Variants in ASIC2 observed in about 807,000 individuals in gnomAD.
The protein encoded by ASIC2 is acid sensing ion channel subunit 2.
In ASIC2, 25 loss-of-function variants were observed where a neutral mutation model predicts 57.3. The observed-to-expected ratio is 0.44, with a 90% CI of 0.32 to 0.61. The LOEUF is 0.61. Among genes scored for constraint, ASIC2 ranks in the 20% least tolerant of loss-of-function variants. The pLI is 0.06. For missense variants in ASIC2, 641 were observed against 738.1 expected (o/e 0.87, Z 1.52); for synonymous variants, 319 against 307.5 (o/e 1.04, Z -0.39).
intron 1 of ASIC2, among the ~76,000 whole-genome samples, chr17:33,547,190 C>T (rs1915605238): frequency 6.6e-6 from 1 of 152,064 alleles, no homozygotes; most frequent in Admixed American, 6.5e-5. Context: ...AAGCACTGTC[C>T]TAGGAGACAG....
At chr17:34,059,646 G>A (rs1597999388) in intron 1 of ASIC2, among the ~76,000 whole-genome samples, 1 of 152,296 alleles carries the variant, frequency 6.6e-6, no homozygotes, top group East Asian at 1.9e-4. Context: ...TGGTGCTGCT[G>A]TGGGAGGGGC....
At chr17:33,797,832 G>A (rs1344776850) in intron 1 of ASIC2, among the ~76,000 whole-genome samples, 5 of 152,158 alleles carry the variant, frequency 3.3e-5, no homozygotes, top group Non-Finnish European at 1.5e-5. Flanking sequence ...CAGGGAAGGA[G>A]GTGGGGTTTC....
intron 3 of ASIC2, among the ~76,000 whole-genome samples, chr17:33,066,505 G>C (rs2092044191): frequency 1.3e-5 from 2 of 152,224 alleles, no homozygotes; most frequent in South Asian, 4.2e-4. Context: ...GACAAGACAC[G>C]TACATATTGA....
chr17:33,527,040 C>A (rs879773955), intron 1 of ASIC2, among the ~76,000 whole-genome samples: 1 of 152,194 alleles, frequency 6.6e-6, no homozygotes, highest in South Asian at 2.1e-4. Flanking sequence ...TGTTTCTGGT[C>A]GGAGCCCCCA....
chr17:33,353,107 T>G (rs192517313), intron 1 of ASIC2, among the ~76,000 whole-genome samples: 2 of 152,184 alleles, frequency 1.3e-5, no homozygotes, highest in African/African-American at 4.8e-5. Flanking sequence ...GTTCAATAAT[T>G]GTATTGTGAT....
rs1358437832 is a variant in ASIC2, at chr17:33,671,317, G to A, written c.555+484661C>T. Reference sequence around the variant, plus strand: ...CAGCATAGCATTTAAAATCCTCTGGGTAATAATCAGAAAAAAACTCCTTCA... The same window carrying A: ...CAGCATAGCATTTAAAATCCTCTGGATAATAATCAGAAAAAAACTCCTTCA... On this transcript the variant is annotated intron_variant, in intron 1 of 9. Transcript: ENST00000359872. 2.0e-5 allele frequency among the ~76,000 whole-genome samples: 3 copies of A among 151,814 alleles called. No homozygotes were observed. The South Asian group carries it at 6.2e-4, about 31-fold the overall frequency.
At chr17:33,129,580 A>G (rs1349391509) in intron 1 of ASIC2, among the ~76,000 whole-genome samples, 3 of 152,236 alleles carry the variant, frequency 2.0e-5, no homozygotes, top group Non-Finnish European at 4.4e-5. Flanking sequence ...CTGTCATAAT[A>G]ATGGTGTGGG....
intron 1 of ASIC2, among the ~76,000 whole-genome samples, chr17:34,155,104 A>G (rs1904665018): frequency 6.8e-6 from 1 of 146,620 alleles, no homozygotes; most frequent in African/African-American, 2.5e-5. Context: ...TTCCATTCCC[A>G]CAGCTGTTCG....
chr17:33,530,551 G>C (rs186969309), intron 1 of ASIC2, among the ~76,000 whole-genome samples: 1 of 152,254 alleles, frequency 6.6e-6, no homozygotes, highest in African/African-American at 2.4e-5. Flanking sequence ...GAACATAGGC[G>C]AGTGTACAGG....
intron 1 of ASIC2, among the ~76,000 whole-genome samples, chr17:33,410,520 A>G (rs1250211193): frequency 6.6e-6 from 1 of 152,178 alleles, no homozygotes; most frequent in African/African-American, 2.4e-5. Context: ...GAGGGACTCA[A>G]GCCCCCTCGG....
intron 1 of ASIC2, among the ~76,000 whole-genome samples, chr17:33,965,248 C>G (rs1471720181): frequency 6.6e-6 from 1 of 152,226 alleles, no homozygotes; most frequent in Non-Finnish European, 1.5e-5. Context: ...TGCCTCAGAT[C>G]AAACAGCTGG....
intron 1 of ASIC2, among the ~76,000 whole-genome samples, chr17:33,491,394 A>G (rs1419290217): frequency 6.6e-6 from 1 of 152,182 alleles, no homozygotes; most frequent in African/African-American, 2.4e-5. Flanking sequence ...CCTGTCTGCA[A>G]TTCATTTCCG....
At chr17:33,402,193 T>C (rs1250030130) in intron 1 of ASIC2, among the ~76,000 whole-genome samples, 2 of 152,212 alleles carry the variant, frequency 1.3e-5, no homozygotes, top group African/African-American at 4.8e-5. Context: ...GAGGGCTCCA[T>C]GCACAGGCTC....
At chr17:34,007,080 C>T (rs73986803) in intron 1 of ASIC2, among the ~76,000 whole-genome samples, 1,850 of 152,256 alleles carry the variant, frequency 0.012, 31 homozygotes, top group African/African-American at 0.042. Flanking sequence ...ATATGAAGGA[C>T]TCTGAAATAA....
chr17:33,326,476 A>G (rs570840042), intron 1 of ASIC2, among the ~76,000 whole-genome samples: 3 of 152,244 alleles, frequency 2.0e-5, no homozygotes, highest in Non-Finnish European at 4.4e-5. Context: ...TTCACTTATG[A>G]AATGGAGAAA....
intron 1 of ASIC2, among the ~76,000 whole-genome samples, chr17:33,713,385 C>T (rs1909113540): frequency 6.6e-6 from 1 of 152,208 alleles, no homozygotes; most frequent in African/African-American, 2.4e-5. Flanking sequence ...CCTTCTTTGC[C>T]TCTTCCTAAC....
chr17:34,099,158 G>A (rs778785960), intron 1 of ASIC2, among the ~76,000 whole-genome samples: 12,795 of 26,434 alleles, frequency 0.48, 1,465 homozygotes, highest in African/African-American at 0.54. Context: ...GAGAGAGAGA[G>A]AGAGAGAAAG....
chr17:33,743,247 A>C (rs1182625631), intron 1 of ASIC2, among the ~76,000 whole-genome samples: 2 of 152,276 alleles, frequency 1.3e-5, no homozygotes, highest in African/African-American at 4.8e-5. Flanking sequence ...AGATAGAAAC[A>C]TTCATAAAAA....
Position 34,026,313 on chromosome 17 carries a change from C to T in ASIC2, c.555+129665G>A, listed in dbSNP as rs570722007. Reference sequence around the variant, plus strand: ...CCCTGCAGCAGCTAGAAGGTGCAGCCGCTAGCCATGCATGAAGTTAATTTA... The same window carrying T: ...CCCTGCAGCAGCTAGAAGGTGCAGCTGCTAGCCATGCATGAAGTTAATTTA... On this transcript the variant is annotated intron_variant, in intron 1 of 9. Transcript: ENST00000359872. Among the ~76,000 whole-genome samples, 5 of 152,220 alleles carry T rather than the reference C, an allele frequency of 3.3e-5. No homozygotes were observed. In the South Asian group the frequency reaches 6.2e-4, roughly 19 times the overall value.
Sources: gnomAD v4.1 joint callset for allele counts (sites outside exome capture counted in the v4.1 genomes callset) on GRCh38, gnomAD v4.1.1 for gene constraint, MANE v1.5 for transcripts, NCBI Gene and HGNC (gene_info 2026-07-23, HGNC 2026-07-21) for gene names.